Variants in PLEKHA5 observed in about 807,000 individuals in gnomAD.
PLEKHA5 encodes the protein pleckstrin homology domain-containing family A member 5.
In PLEKHA5, 55 loss-of-function variants were observed where a neutral mutation model predicts 181.9. The ratio of observed to expected loss-of-function variants is 0.30; its 90% CI spans 0.24 to 0.38. PLEKHA5 has a LOEUF of 0.38. Among genes scored for constraint, PLEKHA5 ranks in the 10% least tolerant of loss-of-function variants. PLEKHA5 has a pLI of 1.00. For synonymous variants in PLEKHA5, 535 were observed against 529.4 expected, an observed-to-expected ratio of 1.01 and a Z score of -0.15; for missense variants, 1,432 against 1,549.5, an observed-to-expected ratio of 0.92 and a Z score of 1.27.
intron 3 of PLEKHA5, among the ~76,000 whole-genome samples, chr12:19,159,432 A>G (rs1284699076): frequency 6.6e-6 from 1 of 152,290 alleles, no homozygotes; most frequent in African/African-American, 2.4e-5. Flanking sequence ...AAACATTTTC[A>G]TATAGTTTAC....
chr12:19,331,874 C>T (rs2092876552), intron 20 of PLEKHA5, among the ~76,000 whole-genome samples: 1 of 152,026 alleles, frequency 6.6e-6, no homozygotes, highest in African/African-American at 2.4e-5. Flanking sequence ...GATTAAAAAA[C>T]AATGCCCCAG....
chr12:19,314,715 GA>G, intron 15 of PLEKHA5, 98 bp from the exon 16 acceptor site: 1 of 715,406 alleles, frequency 1.4e-6, no homozygotes, highest in Non-Finnish European at 2.6e-6. Flanking sequence ...GCACTATTAG[GA>G]AGATATTAAA....
At chr12:19,212,970 A>G (rs2057260192) in intron 3 of PLEKHA5, among the ~76,000 whole-genome samples, 1 of 152,002 alleles carries the variant, frequency 6.6e-6, no homozygotes, top group Admixed American at 6.6e-5. Flanking sequence ...TCCAGTACCT[A>G]TACTAGATTT....
At chr12:19,320,668 C>G in intron 18 of PLEKHA5, 44 bp downstream of exon 18, 1 of 873,230 alleles carries the variant, frequency 1.1e-6, no homozygotes, top group Non-Finnish European at 1.8e-6. Flanking sequence ...CTGTCGTATT[C>G]TCCGCCAAAA....
chr12:19,279,738 A>G (rs1477601084), intron 11 of PLEKHA5, among the ~76,000 whole-genome samples: 2 of 151,744 alleles, frequency 1.3e-5, no homozygotes, highest in Non-Finnish European at 2.9e-5. Context: ...TGCCCCCAAT[A>G]TTCTGAAAGC....
rs182651086 is a variant in PLEKHA5 at position 19,291,596 on chromosome 12, T to C, written c.1984-48T>C. The C allele has an allele frequency of 4.0e-3, 4,512 of 1,140,876 alleles. 15 individuals carry two copies. Among genetic ancestry groups the C allele is most frequent in the Non-Finnish European group, 4.8e-3 (3,864 of 804,080 alleles). 70.7% of individuals were successfully genotyped at this position (1,140,876 alleles called of 1,614,324 possible). On this transcript the variant is annotated intron_variant, in intron 14 of 31. Transcript: ENST00000429027. ...TTCCAAAATTGACCTTTTCTTGAAT[T>C]CCACATCCTCTTTCTCTGTCCCTTT...
intron 3 of PLEKHA5, among the ~76,000 whole-genome samples, chr12:19,186,864 T>TA (rs1411028220): frequency 6.6e-6 from 1 of 152,214 alleles, no homozygotes; most frequent in Non-Finnish European, 1.5e-5. Flanking sequence ...TTATTCCTTC[T>TA]AAATGCTTTG....
At position 19,339,160 on chromosome 12, in the gene PLEKHA5, C is replaced by T. The variant is rs574364206; in HGVS notation, c.2550+2544C>T. ...TGTTGAAGTGATTCTCCTGCCTCAG[C>T]CTTCCTAGTAGCTGGGATTACAGGC... On this transcript the variant is annotated intron_variant, in intron 21 of 31. Transcript: ENST00000429027. Among the ~76,000 whole-genome samples, 50 of 151,868 alleles carry T rather than the reference C, an allele frequency of 3.3e-4. No individual in the cohort carries two copies. In the Middle Eastern group the frequency reaches 0.01, roughly 31 times the overall value.
chr12:19,176,986 G>T lies in PLEKHA5; in HGVS notation c.227+44536G>T, dbSNP rs79049321. On this transcript the variant is annotated intron_variant, in intron 3 of 31. Transcript: ENST00000429027. Reference sequence around the variant, plus strand: ...TCAAGCGAGTCTCTCTCCCGCCTCGGCCTCCTGAGTAGCTGGGATTACAGG... The same window carrying T: ...TCAAGCGAGTCTCTCTCCCGCCTCGTCCTCCTGAGTAGCTGGGATTACAGG... 1.4e-3 allele frequency among the ~76,000 whole-genome samples: 212 copies of T among 152,062 alleles called. 3 individuals carry two copies. The East Asian group carries it at 0.032, about 23-fold the overall frequency.
At position 19,358,579 on chromosome 12, in the gene PLEKHA5, C is replaced by T. The variant is rs546191297; in HGVS notation, c.3348+142C>T. The T allele has an allele frequency of 1.6e-4, 97 of 607,602 alleles. No homozygotes were observed. In the East Asian group the frequency reaches 2.0e-3, roughly 12 times the overall value. 37.6% of individuals were successfully genotyped at this position (607,602 alleles called of 1,614,324 possible). ...ATTATTTAATTCTCCTAATAATAAG[C>T]TAAGACAGCTAAGTAAAATGTAAAT... On this transcript the variant is annotated intron_variant, in intron 27 of 31. Coordinates refer to ENST00000429027, the MANE Select transcript of PLEKHA5 (RefSeq NM_001256470.2).
Position 19,338,895 on chromosome 12 carries a change from A to AT in PLEKHA5, c.2550+2279_2550+2280insT, listed in dbSNP as rs1436398912. Among the ~76,000 whole-genome samples, 278 of 150,638 alleles carry AT rather than the reference A, an allele frequency of 1.8e-3. 1 individual carries two copies. The highest frequency in any genetic ancestry group is 2.9e-3 in the Non-Finnish European group (199 of 67,582). On this transcript the variant is annotated intron_variant, in intron 21 of 31. Coordinates refer to ENST00000429027, the MANE Select transcript of PLEKHA5 (RefSeq NM_001256470.2). Reference sequence around the variant, plus strand: ...AAAAGTCCATCTCAAAAAAAAAAAAAAATAAGAAATCAGCTACAAAAATGA... The same window carrying AT: ...AAAAGTCCATCTCAAAAAAAAAAAAATAATAAGAAATCAGCTACAAAAATGA...
intron 15 of PLEKHA5, among the ~76,000 whole-genome samples, chr12:19,302,652 C>T (rs1424940551): frequency 1.3e-5 from 2 of 152,058 alleles, no homozygotes; most frequent in African/African-American, 4.8e-5. Flanking sequence ...CCACCTTGGC[C>T]TCCCAAAGTG....
intron 3 of PLEKHA5, among the ~76,000 whole-genome samples, chr12:19,145,206 CAG>C (rs2038582895): frequency 6.6e-6 from 1 of 151,792 alleles, no homozygotes; most frequent in African/African-American, 2.4e-5. Flanking sequence ...GAGAGAGAGA[CAG>C]AGATTTTATG....
chr12:19,278,379 T>C (rs1415027491), intron 11 of PLEKHA5, among the ~76,000 whole-genome samples: 2 of 152,196 alleles, frequency 1.3e-5, no homozygotes, highest in Non-Finnish European at 2.9e-5. Context: ...TTTTGAACTA[T>C]AATTTAGATA....
chr12:19,224,521 A>G (rs772258908), intron 3 of PLEKHA5, among the ~76,000 whole-genome samples: 1 of 152,196 alleles, frequency 6.6e-6, no homozygotes, highest in Non-Finnish European at 1.5e-5. Context: ...AGGAACACCT[A>G]CCTTCTTTAC....
At chr12:19,277,776 TAGAA>T (rs1160339068) in intron 11 of PLEKHA5, among the ~76,000 whole-genome samples, 3 of 151,190 alleles carry the variant, frequency 2.0e-5, no homozygotes, top group South Asian at 2.1e-4. Flanking sequence ...AAAGTTCTGA[TAGAA>T]AGAAAAAGGT....
At chr12:19,144,513 T>G (rs147376475) in intron 3 of PLEKHA5, among the ~76,000 whole-genome samples, 82 of 152,314 alleles carry the variant, frequency 5.4e-4, no homozygotes, top group African/African-American at 2.0e-3. Context: ...TGCTTTCCCA[T>G]GTGGTCCTGG....
intron 3 of PLEKHA5, among the ~76,000 whole-genome samples, chr12:19,196,567 AG>A (rs2052796121): frequency 6.6e-6 from 1 of 152,224 alleles, no homozygotes; most frequent in Non-Finnish European, 1.5e-5. Flanking sequence ...CTGGCAAAGT[AG>A]AAAAAGCATA....
At chr12:19,207,155 A>C (rs2055751592) in intron 3 of PLEKHA5, 1 of 152,160 alleles carries the variant, frequency 6.6e-6, no homozygotes, top group South Asian at 2.1e-4. Flanking sequence ...ATGGTGACAG[A>C]TGTGGTTTTA....
Sources: allele counts gnomAD v4.1 joint callset (sites outside exome capture counted in the v4.1 genomes callset), GRCh38; gene constraint gnomAD v4.1.1; transcripts MANE v1.5; gene names NCBI Gene and HGNC (gene_info 2026-07-23, HGNC 2026-07-21).